The following SS18L2 variants were observed in gnomAD, a reference collection of about 807,000 sequenced individuals.
SS18L2 encodes the protein SS18-like protein 2.
SS18L2 carries 8 observed loss-of-function variants against 10.3 expected under a neutral mutation model. The observed-to-expected ratio is 0.78, with a 90% CI of 0.46 to 1.41. The LOEUF (loss-of-function observed/expected upper bound fraction) is 1.41. Among genes scored for constraint, SS18L2 ranks in the 40% most tolerant of loss-of-function variants. The pLI is 0.00. For missense variants in SS18L2, 100 were observed against 96.2 expected, an observed-to-expected ratio of 1.04 and a Z score of -0.17; for synonymous variants, 41 against 34.6, an observed-to-expected ratio of 1.19 and a Z score of -0.65.
chr3:42,591,663 T>G (rs1704851972), intron 2 of SS18L2, 62 bp downstream of exon 2: 1 of 1,128,878 alleles, frequency 8.9e-7, no homozygotes. Context: ...TGTGATGCGG[T>G]GCTTTCTCGA....
In SS18L2 at chr3:42,590,938, C is replaced by G; in HGVS notation, c.41C>G (p.Ala14Gly). The change falls in exon 1 of 3, where the codon GCG (alanine) becomes GGG (glycine). Residue 14 changes from alanine to glycine, a missense_variant. Physicochemically the swap from Ala to Gly is moderately conservative, Grantham distance 60. Coordinates refer to ENST00000011691, the MANE Select transcript of SS18L2 (RefSeq NM_001370300.1). ...GTACCGGACTGGCTGAGGGGCAAGG[C>G]GGAAGTCAATCAAGAGACTATCCAG... ...AFVPDWLRGK[A>G]EVNQETIQRL... 7.0e-7 allele frequency: 1 copy of G among 1,425,958 alleles called. No individual in the cohort carries two copies. The highest frequency in any genetic ancestry group is 9.3e-7 in the Non-Finnish European group (1 of 1,070,872). 88.3% of individuals were successfully genotyped at this position (1,425,958 alleles called of 1,614,324 possible).
upstream of SS18L2, among the ~76,000 whole-genome samples, chr3:42,589,108 C>CA (rs35697413): frequency 0.11 from 16,418 of 145,462 alleles, 975 homozygotes; most frequent in South Asian, 0.15. Context: ...ACTAAAGATA[C>CA]AAAAAAAAAA....
At chr3:42,583,564 A>C (rs1704505522) in intron 1 of SS18L2, among the ~76,000 whole-genome samples, 1 of 152,178 alleles carries the variant, frequency 6.6e-6, no homozygotes, top group South Asian at 2.1e-4. Context: ...TGCGATGATT[A>C]GTTTTAGATG....
upstream of SS18L2, among the ~76,000 whole-genome samples, chr3:42,589,959 C>T (rs1704760166): frequency 1.3e-5 from 2 of 152,132 alleles, no homozygotes; most frequent in African/African-American, 4.8e-5. Context: ...TGGGCAGTCC[C>T]GGGTTGTTAA....
chr3:42,592,419 C>G (rs1454722978), intron 2 of SS18L2, among the ~76,000 whole-genome samples: 1 of 152,150 alleles, frequency 6.6e-6, no homozygotes, highest in African/African-American at 2.4e-5. Flanking sequence ...AGACTGGTCT[C>G]AAACTCCTGA....
chr3:42,592,807 A>G (rs1481671999), intron 2 of SS18L2, among the ~76,000 whole-genome samples: 1 of 152,094 alleles, frequency 6.6e-6, no homozygotes, highest in African/African-American at 2.4e-5. Flanking sequence ...GGGTTTTTCA[A>G]TTGCACAGGC....
At chr3:42,590,362 AGAT>A (rs1704776562), upstream of SS18L2, among the ~76,000 whole-genome samples, 2 of 152,152 alleles carry the variant, frequency 1.3e-5, no homozygotes, top group Non-Finnish European at 2.9e-5. Context: ...TCCTGCAGAT[AGAT>A]TGAGTATGCA....
In SS18L2 at chr3:42,595,648, T is replaced by TA. The variant is rs1210412874; in HGVS notation, c.*1145dup. On this transcript the variant is annotated 3_prime_UTR_variant, in exon 3 of 3. Coordinates refer to ENST00000011691, the MANE Select transcript of SS18L2 (RefSeq NM_001370300.1). ...TTCTGACTTTATTAGCTGTATTCTA[T>TA]AAAAAACTTTCACTCTTGGAGATTT... is the stretch of plus-strand genomic sequence containing the variant. 6.6e-6 allele frequency among the ~76,000 whole-genome samples: 1 copy of TA among 152,238 alleles called. No individual in the cohort carries two copies. The highest frequency in any genetic ancestry group is 1.9e-4 in the East Asian group (1 of 5,204).
At chr3:42,593,664 G>A (rs1389791657) in intron 2 of SS18L2, among the ~76,000 whole-genome samples, 2 of 152,096 alleles carry the variant, frequency 1.3e-5, no homozygotes, top group African/African-American at 2.4e-5. Context: ...CACTCACAGA[G>A]CTGACATTCT....
At chr3:42,589,895 A>G (rs1324132576), upstream of SS18L2, among the ~76,000 whole-genome samples, 1 of 152,106 alleles carries the variant, frequency 6.6e-6, no homozygotes, top group Admixed American at 6.5e-5. Flanking sequence ...CCAAGAAGGT[A>G]TGTCCAGCTT....
At chr3:42,590,747 G>T (rs1229448477), upstream of SS18L2, 3 of 824,802 alleles carry the variant, frequency 3.6e-6, no homozygotes, top group Middle Eastern at 2.3e-4. Flanking sequence ...CGAGGAAAGC[G>T]CTGAGTATAG....
intron 2 of SS18L2, among the ~76,000 whole-genome samples, chr3:42,592,012 C>G (rs1272006064): frequency 6.6e-6 from 1 of 152,132 alleles, no homozygotes; most frequent in Non-Finnish European, 1.5e-5. Context: ...AGCTTCCTCT[C>G]ATTTCTAACT....
chr3:42,584,962 A>C (rs1704564403), intron 1 of SS18L2, among the ~76,000 whole-genome samples: 1 of 152,134 alleles, frequency 6.6e-6, no homozygotes. Flanking sequence ...CCCCGTCTCT[A>C]TTGAAAAATT....
upstream of SS18L2, among the ~76,000 whole-genome samples, chr3:42,587,842 T>A (rs937671593): frequency 2.0e-5 from 3 of 151,560 alleles, no homozygotes; most frequent in African/African-American, 7.3e-5. Flanking sequence ...GAGGCTGAGG[T>A]GGGTGGTTCA....
In SS18L2 at chr3:42,596,843, G is replaced by A. The variant is rs1336689234; in HGVS notation, c.*2334G>A. Among the ~76,000 whole-genome samples the A allele has an allele frequency of 6.6e-6, 1 of 152,184 alleles. No homozygotes were observed. The highest frequency in any genetic ancestry group is 1.5e-5 in the Non-Finnish European group (1 of 68,032). On this transcript the variant is annotated 3_prime_UTR_variant, in exon 3 of 3. Transcript: ENST00000011691. ...CACATAACCAGTGGCAGAAAGAAGAGAATTGCTGGAATGTCAAGATAAGAA... is the reference window on the plus strand; with the variant it reads ...CACATAACCAGTGGCAGAAAGAAGAAAATTGCTGGAATGTCAAGATAAGAA...
At chr3:42,591,393 C>G (rs542538901) in intron 1 of SS18L2, 132 bp from the exon 2 acceptor site, 8 of 671,510 alleles carry the variant, frequency 1.2e-5, no homozygotes, top group Non-Finnish European at 2.6e-6. Flanking sequence ...TGGGGTTTCC[C>G]CATGTTGGCC....
At chr3:42,591,077 G>T in intron 1 of SS18L2, 111 bp downstream of exon 1, 1 of 1,238,692 alleles carries the variant, frequency 8.1e-7, no homozygotes. Flanking sequence ...ACTGTGAAGG[G>T]TGCTGAGCAG....
chr3:42,594,115 A>G (rs559573638), intron 2 of SS18L2, among the ~76,000 whole-genome samples: 1 of 152,358 alleles, frequency 6.6e-6, no homozygotes, highest in African/African-American at 2.4e-5. Flanking sequence ...TTTGATTTAA[A>G]TTGTACAGTA....
intron 2 of SS18L2, among the ~76,000 whole-genome samples, chr3:42,592,185 C>T (rs182771289): frequency 1.1e-4 from 16 of 152,006 alleles, no homozygotes; most frequent in Admixed American, 3.3e-4. Context: ...CCAGGTATTA[C>T]GCCCATTTTT....
Sources: gnomAD v4.1 joint callset for allele counts (sites outside exome capture counted in the v4.1 genomes callset) on GRCh38, gnomAD v4.1.1 for gene constraint, MANE v1.5 for transcripts, NCBI Gene and HGNC (gene_info 2026-07-23, HGNC 2026-07-21) for gene names.